FCHSD2: variants seen among roughly 807,000 people sequenced by gnomAD.
FCHSD2 encodes FCH and double SH3 domains 2.
In FCHSD2, 38 loss-of-function variants were observed where a neutral mutation model predicts 108.1. The observed-to-expected ratio is 0.35, with a 90% CI of 0.27 to 0.46. The LOEUF (loss-of-function observed/expected upper bound fraction) is 0.46. Ranked by LOEUF, FCHSD2 falls within the 20% of genes least tolerant of loss-of-function variation. FCHSD2 has a pLI of 1.00. For missense variants in FCHSD2, 751 were observed against 897.8 expected (o/e 0.84, Z 2.09); for synonymous variants, 279 against 314.7 (o/e 0.89, Z 1.20).
intron 13 of FCHSD2, among the ~76,000 whole-genome samples, chr11:72,856,095 T>C (rs1177628344): frequency 6.6e-6 from 1 of 152,222 alleles, no homozygotes. Context: ...TTGGCCTTCA[T>C]AGGAGAGCCA....
chr11:73,058,251 C>T (rs1859077591), intron 3 of FCHSD2, among the ~76,000 whole-genome samples: 1 of 152,188 alleles, frequency 6.6e-6, no homozygotes. Context: ...GATGCTACAG[C>T]AACCTGGCAT....
At chr11:72,843,688 G>A (rs1208002670) in intron 14 of FCHSD2, 156 bp from the exon 15 acceptor site, 2 of 608,044 alleles carry the variant, frequency 3.3e-6, no homozygotes, top group Non-Finnish European at 5.8e-6. Context: ...TCATAATGAG[G>A]TGAAGTTTTA....
intron 12 of FCHSD2, 144 bp from the exon 13 acceptor site, chr11:72,868,170 A>G: frequency 1.4e-6 from 1 of 727,764 alleles, no homozygotes; most frequent in Non-Finnish European, 2.2e-6. Context: ...ATGCAGCCAT[A>G]AAAAGGACAG....
At position 73,083,700 on chromosome 11, in the gene FCHSD2, C is replaced by A; in HGVS notation, c.160G>T (p.Ala54Ser). Residue 54 changes from alanine to serine, a missense_variant, in exon 3 of 20, where the codon GCA becomes TCA. Physicochemically the swap from Ala to Ser is moderately conservative, Grantham distance 99. Coordinates refer to ENST00000409418, the MANE Select transcript of FCHSD2 (RefSeq NM_014824.3). ...ACCTCCAATTTCAAGCTTACCTGTG[C>A]ATACTCTCTTTCAATAGCAGCCTTC... The part of the protein sequence containing the change: ...QKKAAIEREY[A>S]QGMQKLASQY... The A allele has an allele frequency of 6.5e-7, 1 of 1,544,632 alleles. No homozygotes were observed. Among genetic ancestry groups the A allele is most frequent in the Non-Finnish European group, 8.8e-7 (1 of 1,140,414 alleles).
At position 73,142,009 on chromosome 11, in the gene FCHSD2, T is replaced by C. The variant is rs1468414382; in HGVS notation, c.-132A>G. 3.5e-6 allele frequency: 3 copies of C among 864,720 alleles called. No individual in the cohort carries two copies. The highest frequency in any genetic ancestry group is 5.3e-6 in the Non-Finnish European group (3 of 568,198). The allele number at this position is 864,720 out of a possible 1,614,324, so 53.6% of individuals were successfully genotyped here. On this transcript the variant is annotated 5_prime_UTR_variant, in exon 1 of 20. Transcript: ENST00000409418. ...AAAGGAGCGCTTAAGAAGCAAGACT[T>C]GCCCCGGAGGGAGCAGGCCAGCGGG...
chr11:72,840,991 C>A (rs1402105802), intron 18 of FCHSD2, 32 bp from the exon 19 acceptor site: 2 of 1,541,384 alleles, frequency 1.3e-6, no homozygotes, highest in Non-Finnish European at 1.8e-6. Flanking sequence ...GCTCATTTTA[C>A]TTGAGTTGTT....
intron 3 of FCHSD2, among the ~76,000 whole-genome samples, chr11:73,045,086 A>G (rs1239163497): frequency 6.6e-6 from 1 of 151,614 alleles, no homozygotes; most frequent in Non-Finnish European, 1.5e-5. Flanking sequence ...AAAAAAAAAG[A>G]ATGGGGTAAA....
intron 4 of FCHSD2, among the ~76,000 whole-genome samples, chr11:73,009,421 T>TG (rs1318528051): frequency 1.3e-5 from 2 of 152,098 alleles, no homozygotes; most frequent in Non-Finnish European, 2.9e-5. Flanking sequence ...CACTTGAACC[T>TG]GGGAGGTGGA....
At chr11:72,988,002 T>C (rs182538621) in intron 6 of FCHSD2, among the ~76,000 whole-genome samples, 2 of 152,356 alleles carry the variant, frequency 1.3e-5, no homozygotes, top group African/African-American at 2.4e-5. Context: ...AAGTCCTTCA[T>C]GAATACTCAC....
At chr11:72,941,047 A>G (rs1007883737) in intron 8 of FCHSD2, 1 of 688,890 alleles carries the variant, frequency 1.5e-6, no homozygotes, top group Admixed American at 2.0e-5. Context: ...CCACCATGCT[A>G]TTGGTGGTTC....
chr11:73,103,861 C>A (rs189361588), intron 2 of FCHSD2, among the ~76,000 whole-genome samples: 16 of 152,312 alleles, frequency 1.1e-4, no homozygotes, highest in Middle Eastern at 3.4e-3. Flanking sequence ...TCCCATGAAC[C>A]AAGCAAACTC....
At chr11:73,056,265 T>C (rs1322560135) in intron 3 of FCHSD2, among the ~76,000 whole-genome samples, 1 of 152,066 alleles carries the variant, frequency 6.6e-6, no homozygotes, top group African/African-American at 2.4e-5. Context: ...AAGGTAGGGG[T>C]CCTGTGCAAC....
At chr11:72,904,578 T>C (rs1855590309) in intron 9 of FCHSD2, among the ~76,000 whole-genome samples, 1 of 152,230 alleles carries the variant, frequency 6.6e-6, no homozygotes, top group Non-Finnish European at 1.5e-5. Flanking sequence ...TCATTTAGTT[T>C]ATAAATATTT....
At chr11:72,870,956 T>C (rs1311401530) in intron 12 of FCHSD2, among the ~76,000 whole-genome samples, 1 of 149,482 alleles carries the variant, frequency 6.7e-6, no homozygotes, top group Non-Finnish European at 1.5e-5. Context: ...CTTTATTGAC[T>C]AACTTGTTTG....
intron 4 of FCHSD2, among the ~76,000 whole-genome samples, chr11:73,014,274 T>A (rs11235633): frequency 6.6e-6 from 1 of 151,386 alleles, no homozygotes; most frequent in Non-Finnish European, 1.5e-5. Context: ...TGGGACTACA[T>A]GCACGTACCA....
In FCHSD2 at chr11:72,878,141, T is replaced by C. The variant is rs191091455; in HGVS notation, c.1146+9329A>G. On this transcript the variant is annotated intron_variant, in intron 12 of 19. Transcript: ENST00000409418. ...TCAATAAAATCCCTCTGGCTGGGCA[T>C]AGTGGCATGCAGTTGTAGTCACAAC... 1.2e-4 allele frequency among the ~76,000 whole-genome samples: 19 copies of C among 152,190 alleles called. No individual in the cohort carries two copies. In the East Asian group the frequency reaches 2.5e-3, roughly 20 times the overall value.
At chr11:72,939,108 GA>G (rs978726940) in intron 8 of FCHSD2, among the ~76,000 whole-genome samples, 2 of 152,012 alleles carry the variant, frequency 1.3e-5, no homozygotes, top group Non-Finnish European at 2.9e-5. Flanking sequence ...CAGAGCCTAT[GA>G]AAAAAAGAAT....
intron 13 of FCHSD2, among the ~76,000 whole-genome samples, chr11:72,856,336 T>C (rs1591345956): frequency 6.6e-6 from 1 of 152,216 alleles, no homozygotes; most frequent in South Asian, 2.1e-4. Flanking sequence ...AGCTGTCAAG[T>C]TCTACTTTTT....
intron 2 of FCHSD2, among the ~76,000 whole-genome samples, chr11:73,116,061 TTAAA>T (rs1469729264): frequency 2.0e-5 from 3 of 152,240 alleles, no homozygotes; most frequent in Non-Finnish European, 4.4e-5. Flanking sequence ...CTGCAGATTT[TTAAA>T]TAAATATCCT....
Sources: gnomAD v4.1 joint callset for allele counts (sites outside exome capture counted in the v4.1 genomes callset) on GRCh38, gnomAD v4.1.1 for gene constraint, MANE v1.5 for transcripts, NCBI Gene and HGNC (gene_info 2026-07-23, HGNC 2026-07-21) for gene names.